The following CELSR2 variants were observed in gnomAD, a reference collection of about 807,000 sequenced individuals.
The protein encoded by CELSR2 is EGF-like protein 2.
A neutral mutation model predicts 251.6 loss-of-function variants in CELSR2; 81 were observed. The observed-to-expected ratio is 0.32, with a 90% CI of 0.27 to 0.39. CELSR2 has a LOEUF of 0.39. Ranked by LOEUF, CELSR2 falls within the 10% of genes least tolerant of loss-of-function variation. CELSR2 has a pLI of 1.00. For synonymous variants in CELSR2, 1,721 were observed against 1,670.5 expected, an observed-to-expected ratio of 1.03 and a Z score of -0.74; for missense variants, 3,365 against 3,947.7, an observed-to-expected ratio of 0.85 and a Z score of 3.96.
At chr1:109,265,348 G>C (rs1656156498) in intron 13 of CELSR2, 37 bp downstream of exon 13, 1 of 1,569,280 alleles carries the variant, frequency 6.4e-7, no homozygotes, top group Non-Finnish European at 8.6e-7. Context: ...GTGGCCACTT[G>C]GGCCTCTGTC....
rs1322852732 is a variant in CELSR2 at position 109,273,499 on chromosome 1, T to C, written c.8573T>C (p.Leu2858Pro). 6.2e-7 allele frequency: 1 copy of C among 1,610,946 alleles called. No individual in the cohort carries two copies. Among genetic ancestry groups the C allele is most frequent in the Admixed American group, 1.7e-5 (1 of 59,790 alleles). ...SEKSSLLRLP[L>P]EQCTGSSRGS... is the part of the protein sequence containing the mutation. ...AAGAGCAGCCTCCTGCGGCTCCCCCTGGAGCAATGCACAGGGTCTTCCCGG... is the reference window on the plus strand; with the variant it reads ...AAGAGCAGCCTCCTGCGGCTCCCCCCGGAGCAATGCACAGGGTCTTCCCGG... The change falls in exon 33 of 34, where the codon CTG (leucine) becomes CCG (proline). Residue 2858 changes from leucine to proline, a missense_variant. By Grantham distance (98) the Leu-to-Pro change is moderately conservative. Transcript: ENST00000271332.
chr1:109,272,087 A>G (rs1482698861), intron 28 of CELSR2, among the ~76,000 whole-genome samples, 191 bp from the exon 29 acceptor site: 2 of 152,144 alleles, frequency 1.3e-5, no homozygotes, highest in Non-Finnish European at 2.9e-5. Context: ...ATGCAGGGGT[A>G]GCACAGCTGT....
intron 13 of CELSR2, 40 bp from the exon 14 acceptor site, chr1:109,265,695 A>G (rs763771442): frequency 6.3e-7 from 1 of 1,585,152 alleles, no homozygotes; most frequent in South Asian, 1.1e-5. Context: ...TCCTGGGAAG[A>G]GAGCCTGGCC....
chr1:109,255,706 G>A (rs1557728621), intron 1 of CELSR2, among the ~76,000 whole-genome samples: 1 of 152,202 alleles, frequency 6.6e-6, no homozygotes, highest in East Asian at 1.9e-4. Context: ...TTCCTTTTCT[G>A]TCCAGGAAGA....
chr1:109,273,529 C>T lies in CELSR2; in HGVS notation c.8603C>T (p.Ser2868Phe), dbSNP rs1425470957. 2 of 1,598,438 alleles carry T rather than the reference C, an allele frequency of 1.3e-6. No homozygotes were observed. Among genetic ancestry groups the T allele is most frequent in the East Asian group, 2.3e-5 (1 of 43,842 alleles). Residue 2868 changes from serine (S) to phenylalanine (F), a missense_variant, in exon 33 of 34, where the codon TCC becomes TTC. Transcript: ENST00000271332. ...LEQCTGSSRG[S>F]SASEGSRGGP... The stretch of plus-strand genomic sequence containing the variant: ...CAATGCACAGGGTCTTCCCGGGGCT[C>T]CTCCGCTAGTGAGGGCAGCCGGGGA...
In CELSR2 at chr1:109,252,721, G is replaced by T; in HGVS notation, c.2642G>T (p.Arg881Leu). 1 of 1,614,046 alleles carries T rather than the reference G, an allele frequency of 6.2e-7. No individual in the cohort carries two copies. Among genetic ancestry groups the T allele is most frequent in the Non-Finnish European group, 8.5e-7 (1 of 1,180,048 alleles). The change falls in exon 1 of 34, where the codon CGA becomes CTA. Residue 881 changes from arginine (R) to leucine (L), a missense_variant. Physicochemically the swap from Arg to Leu is moderately radical, Grantham distance 102. Transcript: ENST00000271332. The surrounding 1 kb of genome is among the most constrained non-coding windows in gnomAD (Gnocchi z 4.8). ...GTGCGAACGCTACGGAGGCTGGATC[G>T]AGAGAACGTGGCCCAGTATGTCTTG... is the stretch of plus-strand genomic sequence containing the variant. ...GIVRTLRRLD[R>L]ENVAQYVLRA...
Position 109,262,854 on chromosome 1 carries a change from G to T in CELSR2, c.4593G>T (p.Leu1531=). The change falls in exon 7 of 34, where the codon CTG becomes CTT. Residue 1531 remains leucine, a synonymous_variant. Transcript: ENST00000271332. ...GPLLLGGVPD[L]PESFPVRMRQ... is the part of the protein sequence containing the mutation. The stretch of plus-strand genomic sequence containing the variant: ...TGCTACTAGGCGGGGTGCCTGACCT[G>T]CCCGAGAGCTTCCCAGTCCGAATGC... 6.2e-7 allele frequency: 1 copy of T among 1,613,756 alleles called. No homozygotes were observed. The highest frequency in any genetic ancestry group is 1.3e-5 in the African/African-American group (1 of 75,078).
chr1:109,266,374 GCC>G, intron 15 of CELSR2, 168 bp downstream of exon 15: 2 of 758,116 alleles, frequency 2.6e-6, no homozygotes. Flanking sequence ...TCCCCATGTT[GCC>G]CAGGTGTGCC....
intron 13 of CELSR2, 149 bp from the exon 14 acceptor site, chr1:109,265,586 A>T: frequency 1.0e-6 from 1 of 990,884 alleles, no homozygotes; most frequent in African/African-American, 1.6e-5. Flanking sequence ...CTCAACTCCA[A>T]AGCATTGCTA....
intron 18 of CELSR2, 26 bp downstream of exon 18, chr1:109,268,790 G>A (rs1311912648): frequency 6.3e-7 from 1 of 1,585,838 alleles, no homozygotes; most frequent in Non-Finnish European, 8.6e-7. Context: ...GGGTTGGGGA[G>A]GGGTTTGTGG....
chr1:109,273,579 C>T lies in CELSR2; in HGVS notation c.8653C>T (p.Arg2885Trp), dbSNP rs201665009. 1.1e-5 allele frequency: 17 copies of T among 1,561,818 alleles called. No individual in the cohort carries two copies. The highest frequency in any genetic ancestry group is 4.8e-5 in the East Asian group (2 of 41,828). ...AGGCCCCCCTCCCCGCCCACCGCCC[C>T]GGCAGAGCCTCCAGGAGCAGCTGAA... Reference protein sequence around the residue: ...RGGPPPRPPPRQSLQEQLNGV... With the variant: ...RGGPPPRPPPWQSLQEQLNGV... Residue 2885 changes from arginine to tryptophan, a missense_variant, in exon 33 of 34, where the codon CGG becomes TGG. Coordinates refer to ENST00000271332, the MANE Select transcript of CELSR2 (RefSeq NM_001408.3).
intron 2 of CELSR2, among the ~76,000 whole-genome samples, chr1:109,259,745 C>T (rs950580943): frequency 6.6e-5 from 10 of 152,172 alleles, no homozygotes; most frequent in African/African-American, 2.4e-4. Flanking sequence ...AACCATTGCA[C>T]CTGTATGGGC....
chr1:109,272,683 G>A lies in CELSR2; in HGVS notation c.8098G>A (p.Gly2700Arg), dbSNP rs761649751. ...CCCTGGCCAAGGGCCCCCTGGCCTG[G>A]GGGATCCAGGCAGCCTGTTCCTGGA... The part of the protein sequence containing the change: ...LNPGQGPPGL[G>R]DPGSLFLEGQ... The change falls in exon 30 of 34, where the codon GGG becomes AGG. Residue 2700 changes from glycine to arginine, a missense_variant. This residue lies in a region of CELSR2 where 2,093 missense variants were observed against 2,382.8 expected (regional missense o/e 0.88). Transcript: ENST00000271332. The A allele has an allele frequency of 6.2e-7, 1 of 1,613,900 alleles. No individual in the cohort carries two copies. The highest frequency in any genetic ancestry group is 8.5e-7 in the Non-Finnish European group (1 of 1,179,978).
chr1:109,251,834 T>C lies in CELSR2; in HGVS notation c.1755T>C (p.His585=), dbSNP rs755013669. Reference sequence around the variant, plus strand: ...GCTTTGGGGTAGAAGCTCGAGACCATGGCACTCCAGCACTCACTGCCTCGG... The same window carrying C: ...GCTTTGGGGTAGAAGCTCGAGACCACGGCACTCCAGCACTCACTGCCTCGG... ...FYSFGVEARD[H]GTPALTASAS... is the part of the protein sequence containing the mutation. The change falls in exon 1 of 34, where the codon CAT becomes CAC. Residue 585 remains histidine (H), a synonymous_variant. Transcript: ENST00000271332. This position sits in a 1 kb window ranked among gnomAD's most constrained non-coding sequence, Gnocchi z 4.9. 3.5e-5 allele frequency: 57 copies of C among 1,613,940 alleles called. No individual in the cohort carries two copies. The highest frequency in any genetic ancestry group is 4.8e-5 in the Non-Finnish European group (57 of 1,180,028).
In CELSR2 at chr1:109,273,470, C is replaced by T. The variant is rs1193002418; in HGVS notation, c.8544C>T (p.Ser2848=). The T allele has an allele frequency of 5.0e-6, 8 of 1,612,342 alleles. No homozygotes were observed. Among genetic ancestry groups the T allele is most frequent in the Middle Eastern group, 1.6e-4 (1 of 6,080 alleles). ...AGAAGAAGTGTCTGCCCACCATCAG[C>T]GAGAAGAGCAGCCTCCTGCGGCTCC... ...ILKKKCLPTI[S]EKSSLLRLPL... The change falls in exon 33 of 34, where the codon AGC becomes AGT. Residue 2848 remains serine (S), a synonymous_variant. Coordinates refer to ENST00000271332, the MANE Select transcript of CELSR2 (RefSeq NM_001408.3).
intron 9 of CELSR2, 93 bp downstream of exon 9, chr1:109,263,870 C>T: frequency 6.7e-7 from 1 of 1,499,546 alleles, no homozygotes; most frequent in Non-Finnish European, 8.9e-7. Flanking sequence ...AGGTCCTGGG[C>T]AGGGGTGGGG....
Position 109,253,256 on chromosome 1 carries a change from T to C in CELSR2, c.3177T>C (p.Ser1059=), listed in dbSNP as rs766970128. The change falls in exon 1 of 34, where the codon AGT becomes AGC. Residue 1059 remains serine, a synonymous_variant. Transcript: ENST00000271332. ...CCCATGACCCTGATATCTCAGATAG[T>C]CTGACTTACAGCTTTGAGCGGGGAA... ...VPAHDPDISD[S]LTYSFERGNE... 1.2e-6 allele frequency: 2 copies of C among 1,613,510 alleles called. No individual in the cohort carries two copies. The highest frequency in any genetic ancestry group is 8.5e-7 in the Non-Finnish European group (1 of 1,180,042).
At chr1:109,256,584 C>G (rs934905973) in intron 1 of CELSR2, among the ~76,000 whole-genome samples, 1 of 152,192 alleles carries the variant, frequency 6.6e-6, no homozygotes, top group Non-Finnish European at 1.5e-5. Context: ...GCTCCTGCCC[C>G]GTTACTGCTA....
In CELSR2 at chr1:109,250,231, G is replaced by C; in HGVS notation, c.152G>C (p.Cys51Ser). 5 of 1,604,768 alleles carry C rather than the reference G, an allele frequency of 3.1e-6. No individual in the cohort carries two copies. Among genetic ancestry groups the C allele is most frequent in the Non-Finnish European group, 4.3e-6 (5 of 1,176,008 alleles). The change falls in exon 1 of 34, where the codon TGC becomes TCC. Residue 51 changes from cysteine to serine, a missense_variant. Around this residue, in one of 5 missense-constraint regions of CELSR2, gnomAD observed 704 missense variants for 784.1 expected, o/e 0.90. Transcript: ENST00000271332. This position sits in a 1 kb window ranked among gnomAD's most constrained non-coding sequence, Gnocchi z 4.4. The stretch of plus-strand genomic sequence containing the variant: ...AGGGGACGAGGCTCTTCGGGGGCCT[G>C]CGCCCCCATGGGCTGGCTCTGTCCA... ...GSRGRGSSGA[C>S]APMGWLCPSS...
Sources: allele counts gnomAD v4.1 joint callset (sites outside exome capture counted in the v4.1 genomes callset), GRCh38; gene constraint gnomAD v4.1.1; regional missense constraint gnomAD v4.1.1; non-coding constraint Gnocchi (gnomAD v3.1); transcripts MANE v1.5; gene names NCBI Gene and HGNC (gene_info 2026-07-23, HGNC 2026-07-21).